The following CGNL1 variants were observed in gnomAD, a reference collection of about 807,000 sequenced individuals.
The protein encoded by CGNL1 is cingulin like 1, also known as cingulin-like protein 1.
CGNL1 carries 132 observed loss-of-function variants against 141.2 expected under a neutral mutation model. The observed-to-expected ratio is 0.93, with a 90% CI of 0.81 to 1.08. The LOEUF is 1.08. Ranked by LOEUF, CGNL1 falls within the 50% of genes least tolerant of loss-of-function variation. The pLI, the probability that CGNL1 is intolerant of heterozygous loss-of-function variation, is 0.00. For missense variants in CGNL1, 1,870 were observed against 1,588.6 expected (o/e 1.18, Z -3.01); for synonymous variants, 690 against 622.1 (o/e 1.11, Z -1.63).
At chr15:57,467,484 C>T (rs2063523955) in intron 8 of CGNL1, among the ~76,000 whole-genome samples, 1 of 152,016 alleles carries the variant, frequency 6.6e-6, no homozygotes, top group Admixed American at 6.6e-5. Context: ...GTTAAGGTGG[C>T]TACAGATTCA....
At chr15:57,432,258 T>A (rs1470575232) in intron 1 of CGNL1, among the ~76,000 whole-genome samples, 1 of 152,180 alleles carries the variant, frequency 6.6e-6, no homozygotes, top group African/African-American at 2.4e-5. Context: ...GGCTGGTGAA[T>A]ATGCATGCAG....
At position 57,541,138 on chromosome 15, in the gene CGNL1, C is replaced by G. The variant is rs143451712; in HGVS notation, c.3292-2558C>G. 5.3e-5 allele frequency among the ~76,000 whole-genome samples: 8 copies of G among 152,344 alleles called. No homozygotes were observed. The East Asian group carries it at 9.6e-4, about 18-fold the overall frequency. ...TTCAATCAAGTTCCTTGCTTAGGAG[C>G]CTGTATCCCAGAAGTTAGATCAACA... On this transcript the variant is annotated intron_variant, in intron 14 of 18. Transcript: ENST00000281282.
Position 57,376,566 on chromosome 15 carries a change from C to T in CGNL1, c.-17C>T. The T allele has an allele frequency of 6.5e-6, 1 of 153,128 alleles. No homozygotes were observed. The highest frequency in any genetic ancestry group is 1.5e-5 in the Non-Finnish European group (1 of 68,494). 9.5% of individuals were successfully genotyped at this position (153,128 alleles called of 1,614,324 possible). A position where few individuals can be genotyped will look rare whatever the true frequency, so the allele number is the denominator to read the frequency against. On this transcript the variant is annotated splice_region_variant and 5_prime_UTR_variant, in exon 1 of 19. Transcript: ENST00000281282. ...TGGACGCGGGAGGAGGCGGCGGCGG[C>T]GGTGAGTGAGCTCCGGGCTGGAGCG... is the stretch of plus-strand genomic sequence containing the variant.
intron 1 of CGNL1, among the ~76,000 whole-genome samples, chr15:57,437,619 CAAAAAAAAAAAAAAAAAA>C (rs540499763): frequency 1.4e-4 from 5 of 36,084 alleles, no homozygotes; most frequent in Admixed American, 5.1e-4. Context: ...AACTAAACAG[CAAAAAAAAAAAAAAAAAA>C]AAAAAAAAAA....
At chr15:57,450,397 C>A (rs8034609) in intron 4 of CGNL1, among the ~76,000 whole-genome samples, 5 of 152,090 alleles carry the variant, frequency 3.3e-5, no homozygotes, top group African/African-American at 1.2e-4. Flanking sequence ...CTGCCTCAGC[C>A]TCCTGAGTAG....
intron 1 of CGNL1, among the ~76,000 whole-genome samples, chr15:57,409,558 GGAGAA>G (rs1395124659): frequency 2.0e-5 from 3 of 152,156 alleles, no homozygotes; most frequent in Non-Finnish European, 4.4e-5. Context: ...GTGTCGGGAT[GGAGAA>G]GTATGGCTGA....
chr15:57,518,774 C>G (rs1994888), intron 10 of CGNL1, among the ~76,000 whole-genome samples: 19,522 of 152,222 alleles, frequency 0.13, 1,826 homozygotes, highest in East Asian at 0.45. Context: ...TGTTAAACAT[C>G]CTATGAAGCA....
chr15:57,511,124 A>C (rs2152399793), intron 8 of CGNL1, among the ~76,000 whole-genome samples: 1 of 152,348 alleles, frequency 6.6e-6, no homozygotes, highest in South Asian at 2.1e-4. Context: ...AAATTTAAAA[A>C]TTGCCAGAGG....
intron 1 of CGNL1, among the ~76,000 whole-genome samples, chr15:57,393,228 C>A (rs899487132): frequency 5.3e-5 from 8 of 152,150 alleles, no homozygotes; most frequent in Non-Finnish European, 1.2e-4. Flanking sequence ...CTTTTGTACC[C>A]TTGGGTTTTA....
chr15:57,519,696 T>C (rs1368219987), intron 10 of CGNL1, among the ~76,000 whole-genome samples: 1 of 152,212 alleles, frequency 6.6e-6, no homozygotes, highest in African/African-American at 2.4e-5. Context: ...GTTTAAAGCT[T>C]AGGTTGGTTA....
At chr15:57,471,266 T>C (rs4774943) in intron 8 of CGNL1, among the ~76,000 whole-genome samples, 54,843 of 151,944 alleles carry the variant, frequency 0.36, 10,159 homozygotes, top group Middle Eastern at 0.4. Flanking sequence ...TTTTGGCGAG[T>C]AGATTTAGCA....
intron 8 of CGNL1, among the ~76,000 whole-genome samples, chr15:57,510,586 A>G (rs2030195917): frequency 6.6e-6 from 1 of 152,220 alleles, no homozygotes; most frequent in Non-Finnish European, 1.5e-5. Context: ...AGAACACAGT[A>G]TCCTTAATAT....
intron 12 of CGNL1, chr15:57,527,584 G>A (rs1057370726): frequency 1.3e-5 from 2 of 152,268 alleles, no homozygotes; most frequent in African/African-American, 2.4e-5. Context: ...TGAGCTGGCT[G>A]GTCTCCCCAG....
chr15:57,421,726 C>T (rs1436683435), intron 1 of CGNL1, among the ~76,000 whole-genome samples: 11 of 152,084 alleles, frequency 7.2e-5, no homozygotes, highest in African/African-American at 2.4e-4. Flanking sequence ...GGCCCTGGAT[C>T]TGGGTCCCGT....
rs185642644 is a variant in CGNL1, at chr15:57,447,434, A to G, written c.1804-4066A>G. Among the ~76,000 whole-genome samples, 11 of 152,318 alleles carry G rather than the reference A, an allele frequency of 7.2e-5. No individual in the cohort carries two copies. In the East Asian group the frequency reaches 2.1e-3, roughly 29 times the overall value. ...AAGTATTGTTTTGCTTCATGAATTT[A>G]AAGACGTTATTCGTCTTTTGACCTC... is the stretch of plus-strand genomic sequence containing the variant. On this transcript the variant is annotated intron_variant, in intron 4 of 18. Transcript: ENST00000281282.
At chr15:57,379,214 G>A (rs2062399778) in intron 1 of CGNL1, among the ~76,000 whole-genome samples, 1 of 152,136 alleles carries the variant, frequency 6.6e-6, no homozygotes, top group Non-Finnish European at 1.5e-5. Context: ...AACAGCAATA[G>A]TTACACTGTG....
chr15:57,511,611 A>G (rs1227338763), intron 8 of CGNL1, among the ~76,000 whole-genome samples: 2 of 152,234 alleles, frequency 1.3e-5, no homozygotes, highest in Non-Finnish European at 2.9e-5. Flanking sequence ...GTTTCCTCAC[A>G]TTACACATAC....
At chr15:57,503,607 T>C (rs564922692) in intron 8 of CGNL1, among the ~76,000 whole-genome samples, 1 of 152,208 alleles carries the variant, frequency 6.6e-6, no homozygotes, top group South Asian at 2.1e-4. Flanking sequence ...AGGGGTGTGT[T>C]ATTAATCCAT....
intron 4 of CGNL1, among the ~76,000 whole-genome samples, chr15:57,444,567 T>C (rs1220328235): frequency 2.0e-5 from 3 of 152,230 alleles, no homozygotes; most frequent in African/African-American, 7.2e-5. Context: ...GGTCACAGAC[T>C]AGGGGTGAAC....
Sources: allele counts gnomAD v4.1 joint callset (sites outside exome capture counted in the v4.1 genomes callset), GRCh38; gene constraint gnomAD v4.1.1; transcripts MANE v1.5; gene names NCBI Gene and HGNC (gene_info 2026-07-23, HGNC 2026-07-21).